Variants in HHIPL2 observed in about 807,000 individuals in gnomAD.
HHIPL2 encodes the protein HHIP-like protein 2.
Under a neutral mutation model 61.0 loss-of-function variants are expected in HHIPL2, and 61 were observed. That is an observed-to-expected ratio of 1.00 (90% CI 0.81 to 1.24). HHIPL2 has a LOEUF of 1.24. HHIPL2 is among the 50% of genes most tolerant of loss of function. The probability of loss-of-function intolerance (pLI) is 0.00; values close to 1 mark genes in which losing one functional copy is unlikely to be tolerated. For synonymous variants in HHIPL2, 343 were observed against 357.4 expected, an observed-to-expected ratio of 0.96 and a Z score of 0.45; for missense variants, 885 against 910.2, an observed-to-expected ratio of 0.97 and a Z score of 0.36.
intron 7 of HHIPL2, chr1:222,524,839 A>G (rs754277548): frequency 2.6e-5 from 4 of 152,232 alleles, no homozygotes; most frequent in Non-Finnish European, 5.9e-5. Flanking sequence ...ATTCGATATA[A>G]TTATAACTGA....
chr1:222,539,688 T>C (rs961079155), intron 4 of HHIPL2, among the ~76,000 whole-genome samples: 1 of 152,126 alleles, frequency 6.6e-6, no homozygotes, highest in African/African-American at 2.4e-5. Flanking sequence ...GTTCTCAAAA[T>C]AATATGCCTA....
chr1:222,541,042 C>T (rs768841068), intron 3 of HHIPL2, among the ~76,000 whole-genome samples: 9 of 152,124 alleles, frequency 5.9e-5, no homozygotes, highest in Admixed American at 3.3e-4. Context: ...TCAAGAACAG[C>T]CTAGGCAATA....
At chr1:222,530,111 C>G in intron 6 of HHIPL2, among the ~76,000 whole-genome samples, 1 of 152,140 alleles carries the variant, frequency 6.6e-6, no homozygotes, top group African/African-American at 2.4e-5. Context: ...CAAGTCTACC[C>G]CATGAAATTC....
chr1:222,534,863 C>T (rs1309871180), intron 5 of HHIPL2, among the ~76,000 whole-genome samples: 2 of 151,964 alleles, frequency 1.3e-5, no homozygotes, highest in Non-Finnish European at 2.9e-5. Flanking sequence ...GTAATTAGAG[C>T]CTCTGAATAA....
Position 222,542,076 on chromosome 1 carries a change from T to C in HHIPL2, c.1054A>G (p.Ile352Val). Reference protein sequence around the residue: ...LLFGLDGYMYIFTGDGGQAGD... With the variant: ...LLFGLDGYMYVFTGDGGQAGD... The stretch of plus-strand genomic sequence containing the variant: ...GCCTGTCCCCCGTCCCCAGTGAATA[T>C]GTACATATAGCCATCCAGGCCAAAA... The change falls in exon 3 of 9, where the codon ATA (isoleucine) becomes GTA (valine). Residue 352 changes from isoleucine to valine, a missense_variant. Transcript: ENST00000343410. 1 of 1,614,042 alleles carries C rather than the reference T, an allele frequency of 6.2e-7. No individual in the cohort carries two copies. Among genetic ancestry groups the C allele is most frequent in the South Asian group, 1.1e-5 (1 of 91,066 alleles).
intron 1 of HHIPL2, among the ~76,000 whole-genome samples, chr1:222,547,239 C>G (rs1480005741): frequency 2.0e-5 from 3 of 152,182 alleles, no homozygotes; most frequent in Non-Finnish European, 4.4e-5. Context: ...GAGTCTCCAA[C>G]CCCTGCCACC....
At chr1:222,527,586 C>A (rs1656121027) in intron 6 of HHIPL2, among the ~76,000 whole-genome samples, 1 of 152,100 alleles carries the variant, frequency 6.6e-6, no homozygotes, top group Admixed American at 6.5e-5. Flanking sequence ...CTTTTCCATG[C>A]CCCACAAAAA....
chr1:222,545,444 C>T (rs1027325500), intron 1 of HHIPL2, among the ~76,000 whole-genome samples: 5 of 152,124 alleles, frequency 3.3e-5, no homozygotes, highest in East Asian at 1.9e-4. Flanking sequence ...AGGCTCCCCT[C>T]GGGGTGTCTG....
chr1:222,546,671 A>G (rs1217404612), intron 1 of HHIPL2, among the ~76,000 whole-genome samples: 1 of 152,198 alleles, frequency 6.6e-6, no homozygotes, highest in Non-Finnish European at 1.5e-5. Flanking sequence ...TCTCCAGGAA[A>G]CAGCTGTGGA....
At chr1:222,541,425 A>G (rs1375905048) in intron 3 of HHIPL2, among the ~76,000 whole-genome samples, 1 of 152,156 alleles carries the variant, frequency 6.6e-6, no homozygotes, top group Non-Finnish European at 1.5e-5. Context: ...ATACTATTAT[A>G]TGTATACTTC....
At position 222,524,519 on chromosome 1, in the gene HHIPL2, C is replaced by T. The variant is rs1040430871; in HGVS notation, c.1806-825G>A. 1.4e-4 allele frequency among the ~76,000 whole-genome samples: 22 copies of T among 152,202 alleles called. 1 individual carries two copies. The highest frequency in any genetic ancestry group is 4.1e-4 in the South Asian group (2 of 4,834). ...TTCCTAACAACCTGTGAAGTAAGTA[C>T]TATTATTATACTCATTTTACAGAGG... On this transcript the variant is annotated intron_variant, in intron 7 of 8. Transcript: ENST00000343410.
At chr1:222,532,895 T>C (rs1425540122) in intron 5 of HHIPL2, among the ~76,000 whole-genome samples, 3 of 152,206 alleles carry the variant, frequency 2.0e-5, no homozygotes, top group Admixed American at 2.0e-4. Context: ...ATTTATACAG[T>C]AGCAGAAAGA....
At position 222,528,909 on chromosome 1, in the gene HHIPL2, C is replaced by T. The variant is rs536072196; in HGVS notation, c.1724-1859G>A. 3.3e-5 allele frequency among the ~76,000 whole-genome samples: 5 copies of T among 151,178 alleles called. No homozygotes were observed. In the South Asian group the frequency reaches 1.0e-3, roughly 32 times the overall value. ...AATCACAGCTCACTGTAGCCTCAAC[C>T]TCCTGGGCTCAAGCAAACCTTCCAC... On this transcript the variant is annotated intron_variant, in intron 6 of 8. Coordinates refer to ENST00000343410, the MANE Select transcript of HHIPL2 (RefSeq NM_024746.4).
At chr1:222,545,425 G>A (rs1017962734) in intron 1 of HHIPL2, among the ~76,000 whole-genome samples, 2 of 152,198 alleles carry the variant, frequency 1.3e-5, no homozygotes, top group Non-Finnish European at 2.9e-5. Flanking sequence ...AAGGAGCTCA[G>A]AGATTCGCAG....
intron 8 of HHIPL2, among the ~76,000 whole-genome samples, chr1:222,523,316 T>C (rs1558125030): frequency 6.6e-6 from 1 of 152,218 alleles, no homozygotes; most frequent in Non-Finnish European, 1.5e-5. Flanking sequence ...GGGATTAGCA[T>C]AGTTCCTGCC....
chr1:222,543,795 C>T lies in HHIPL2; in HGVS notation c.716G>A (p.Gly239Glu), dbSNP rs1409155915. The change falls in exon 2 of 9, where the codon GGA becomes GAA. Residue 239 changes from glycine (G) to glutamate (E), a missense_variant. Coordinates refer to ENST00000343410, the MANE Select transcript of HHIPL2 (RefSeq NM_024746.4). ...THRFFVAEQV[G>E]VVWVYLPDGS... ...ATCAGGGAGGTAGACCCACACCACTCCTACCTGCTCGGCAACAAAGAAGCG... is the reference window on the plus strand; with the variant it reads ...ATCAGGGAGGTAGACCCACACCACTTCTACCTGCTCGGCAACAAAGAAGCG... 1 of 1,614,118 alleles carries T rather than the reference C, an allele frequency of 6.2e-7. No individual in the cohort carries two copies. The highest frequency in any genetic ancestry group is 1.7e-5 in the Admixed American group (1 of 60,022).
At position 222,548,009 on chromosome 1, in the gene HHIPL2, A is replaced by G. The variant is rs1659597229; in HGVS notation, c.36T>C (p.Gly12=). Reference sequence around the variant, plus strand: ...AGAGCCAGGGGGCCCGGCAATGCAGACCACCACACAGATTAGGAGTGGACG... The same window carrying G: ...AGAGCCAGGGGGCCCGGCAATGCAGGCCACCACACAGATTAGGAGTGGACG... ...LRTSTPNLCG[G]LHCRAPWLSS... Residue 12 remains glycine (G), a synonymous_variant, in exon 1 of 9, where the codon GGT becomes GGC. Coordinates refer to ENST00000343410, the MANE Select transcript of HHIPL2 (RefSeq NM_024746.4). 8.8e-6 allele frequency: 14 copies of G among 1,596,936 alleles called. No individual in the cohort carries two copies. In the East Asian group the frequency reaches 3.1e-4, roughly 36 times the overall value.
At chr1:222,529,491 GT>G (rs1399061062) in intron 6 of HHIPL2, among the ~76,000 whole-genome samples, 2 of 152,192 alleles carry the variant, frequency 1.3e-5, no homozygotes, top group African/African-American at 4.8e-5. Flanking sequence ...CTGGACTGCA[GT>G]TTGTGTAAAT....
In HHIPL2 at chr1:222,544,062, A is replaced by G; in HGVS notation, c.449T>C (p.Leu150Pro). ...CTGGAGGCCGCGGTCATTGGTCAGC[A>G]GGGAAATGGCTGAGTGACAGTTAGA... ...FHSNCHSAIS[L>P]LTNDRGLQES... The change falls in exon 2 of 9, where the codon CTG becomes CCG. Residue 150 changes from leucine (L) to proline (P), a missense_variant. Transcript: ENST00000343410. 1.2e-6 allele frequency: 2 copies of G among 1,614,198 alleles called. No homozygotes were observed. The highest frequency in any genetic ancestry group is 1.1e-5 in the South Asian group (1 of 91,082).
Sources: allele counts gnomAD v4.1 joint callset (sites outside exome capture counted in the v4.1 genomes callset), GRCh38; gene constraint gnomAD v4.1.1; transcripts MANE v1.5; gene names NCBI Gene and HGNC (gene_info 2026-07-23, HGNC 2026-07-21).